STK32C: variants seen among roughly 807,000 people sequenced by gnomAD.
The protein encoded by STK32C is serine/threonine kinase 32C.
STK32C carries 31 observed loss-of-function variants against 56.5 expected under a neutral mutation model. The observed-to-expected ratio is 0.55, with a 90% confidence interval of 0.41 to 0.74. The LOEUF is 0.74. Ranked by LOEUF, STK32C falls within the 30% of genes least tolerant of loss-of-function variation. The pLI, the probability that STK32C is intolerant of heterozygous loss-of-function variation, is 0.00. For missense variants in STK32C, 544 were observed against 676.9 expected, an observed-to-expected ratio of 0.80 and a Z score of 2.18; for synonymous variants, 309 against 289.4, an observed-to-expected ratio of 1.07 and a Z score of -0.69.
rs116728730 is a variant in STK32C at position 132,281,489 on chromosome 10, G to A, written c.262+26083C>T. ...AAAGAAAGCCATTTTGCCAGCTCAC[G>A]TCTTAGTGGGCCTGGACCAGTGTAT... is the stretch of plus-strand genomic sequence containing the variant. On this transcript the variant is annotated intron_variant, in intron 1 of 11. Transcript: ENST00000298630. 6.7e-3 allele frequency among the ~76,000 whole-genome samples: 1,026 copies of A among 152,188 alleles called. 11 individuals are homozygous for A. The highest frequency in any genetic ancestry group is 0.022 in the African/African-American group (933 of 41,522).
rs781197951 is a variant in STK32C at position 132,222,860 on chromosome 10, C to T, written c.1119+1G>A. 5.0e-6 allele frequency: 8 copies of T among 1,589,234 alleles called. No individual in the cohort carries two copies. The highest frequency in any genetic ancestry group is 4.3e-6 in the Non-Finnish European group (5 of 1,169,942). ...CCCACCTGAGCCGCCCACAGGCTTA[C>T]GTTGGGCACGAAGCCCGGCTCCACC... On this transcript the variant is annotated splice_donor_variant, in intron 9 of 11. Coordinates refer to ENST00000298630, the MANE Select transcript of STK32C (RefSeq NM_173575.4). LOFTEE classifies it high-confidence loss of function.
rs2138027723 is a variant in STK32C at position 132,255,864 on chromosome 10, C to A, written c.263-9909G>T. 6.6e-6 allele frequency among the ~76,000 whole-genome samples: 1 copy of A among 152,342 alleles called. No individual in the cohort carries two copies. Among genetic ancestry groups the A allele is most frequent in the South Asian group, 2.1e-4 (1 of 4,832 alleles). On this transcript the variant is annotated intron_variant, in intron 1 of 11. Coordinates refer to ENST00000298630, the MANE Select transcript of STK32C (RefSeq NM_173575.4). This position sits in a 1 kb window ranked among gnomAD's most constrained non-coding sequence, Gnocchi z 4.6. ...TGCCCACGCATCTCCGAGGGCCCAG[C>A]TGGCCACCTTCTCCTTCTCCACCGT...
At chr10:132,303,344 T>C (rs2065966141) in intron 1 of STK32C, among the ~76,000 whole-genome samples, 1 of 152,246 alleles carries the variant, frequency 6.6e-6, no homozygotes, top group Admixed American at 6.5e-5. Context: ...CAGATGCAGG[T>C]TTATGAATTA....
intron 1 of STK32C, among the ~76,000 whole-genome samples, chr10:132,270,107 C>T (rs1210606194): frequency 6.6e-6 from 1 of 152,366 alleles, no homozygotes; most frequent in East Asian, 1.9e-4. Flanking sequence ...GGACCAAGGG[C>T]AGCACCCACG....
intron 1 of STK32C, among the ~76,000 whole-genome samples, chr10:132,306,149 A>G (rs1263211822): frequency 6.6e-6 from 1 of 152,134 alleles, no homozygotes; most frequent in African/African-American, 2.4e-5. Context: ...GTGCCACACC[A>G]CTGTCTCCAC....
At chr10:132,223,294 G>A (rs1438350378) in intron 8 of STK32C, among the ~76,000 whole-genome samples, 4 of 152,216 alleles carry the variant, frequency 2.6e-5, no homozygotes, top group Non-Finnish European at 1.5e-5. Context: ...GGTGGCAGCC[G>A]AGGCCCGGCT....
At chr10:132,238,444 C>T (rs1038363047) in intron 2 of STK32C, among the ~76,000 whole-genome samples, 1 of 152,190 alleles carries the variant, frequency 6.6e-6, no homozygotes, top group Non-Finnish European at 1.5e-5. Context: ...AGGGGAAACA[C>T]GGGCAGAGCC....
intron 1 of STK32C, among the ~76,000 whole-genome samples, chr10:132,299,364 G>A (rs2065847811): frequency 6.6e-6 from 1 of 151,646 alleles, no homozygotes. Context: ...AGCACAGACA[G>A]CTAATCCACC....
At chr10:132,245,763 G>T in intron 2 of STK32C, 137 bp downstream of exon 2, 2 of 834,196 alleles carry the variant, frequency 2.4e-6, no homozygotes, top group Non-Finnish European at 3.8e-6. Flanking sequence ...CTCCCTAAAA[G>T]ACCTGGAGCC....
intron 2 of STK32C, among the ~76,000 whole-genome samples, chr10:132,230,402 A>C (rs2063050357): frequency 6.6e-6 from 1 of 152,156 alleles, no homozygotes; most frequent in African/African-American, 2.4e-5. Context: ...CCGGGATGGA[A>C]GCCCCAGCCT....
chr10:132,222,171 C>T (rs1449435073), intron 10 of STK32C, among the ~76,000 whole-genome samples: 7 of 149,306 alleles, frequency 4.7e-5, no homozygotes, highest in African/African-American at 1.7e-4. Context: ...CATCCCTGCA[C>T]ACACAACCAA....
intron 11 of STK32C, among the ~76,000 whole-genome samples, chr10:132,208,722 G>A (rs2062187105): frequency 6.6e-6 from 1 of 152,118 alleles, no homozygotes; most frequent in Non-Finnish European, 1.5e-5. Flanking sequence ...GAGACTGAGG[G>A]CGTGCCTGGG....
At chr10:132,326,716 A>C (rs2066506228) in intron 1 of STK32C, among the ~76,000 whole-genome samples, 1 of 152,274 alleles carries the variant, frequency 6.6e-6, no homozygotes, top group Admixed American at 6.5e-5. Context: ...ACTGCTGGTC[A>C]CGGTCTGAAC....
At chr10:132,238,480 C>CGGG (rs1293543551) in intron 2 of STK32C, among the ~76,000 whole-genome samples, 3 of 152,256 alleles carry the variant, frequency 2.0e-5, no homozygotes, top group African/African-American at 7.2e-5. Context: ...TCGGGAAAAG[C>CGGG]AGGGAAAGGC....
intron 1 of STK32C, among the ~76,000 whole-genome samples, chr10:132,272,906 T>G (rs979297937): frequency 6.6e-6 from 1 of 152,172 alleles, no homozygotes; most frequent in South Asian, 2.1e-4. Context: ...CTGACTCTGC[T>G]GCGCTCTCTG....
intron 1 of STK32C, among the ~76,000 whole-genome samples, chr10:132,260,688 G>A (rs867461139): frequency 7.2e-5 from 11 of 152,320 alleles, no homozygotes; most frequent in Admixed American, 1.3e-4. Flanking sequence ...CCCCGTGATC[G>A]AGTCTGTGCC....
intron 2 of STK32C, among the ~76,000 whole-genome samples, chr10:132,235,645 G>A (rs912583734): frequency 2.0e-5 from 3 of 152,140 alleles, no homozygotes; most frequent in African/African-American, 7.2e-5. Flanking sequence ...AGCAGAAGCA[G>A]ACAGGATGCT....
At chr10:132,238,800 A>G (rs1454455899) in intron 2 of STK32C, among the ~76,000 whole-genome samples, 1 of 152,124 alleles carries the variant, frequency 6.6e-6, no homozygotes, top group Non-Finnish European at 1.5e-5. Flanking sequence ...CACACATACC[A>G]CATACACACA....
chr10:132,244,281 C>T (rs574890920), intron 2 of STK32C, among the ~76,000 whole-genome samples: 52 of 152,332 alleles, frequency 3.4e-4, no homozygotes, highest in African/African-American at 7.9e-4. Flanking sequence ...CCCAGCAGCT[C>T]GCTCCTGTTC....
Sources: allele counts gnomAD v4.1 joint callset (sites outside exome capture counted in the v4.1 genomes callset), GRCh38; gene constraint gnomAD v4.1.1; non-coding constraint Gnocchi (gnomAD v3.1); transcripts MANE v1.5; gene names NCBI Gene and HGNC (gene_info 2026-07-23, HGNC 2026-07-21).